Variants in JAKMIP2 observed in about 807,000 individuals in gnomAD.
The protein encoded by JAKMIP2 is janus kinase and microtubule-interacting protein 2.
Under a neutral mutation model 115.0 loss-of-function variants are expected in JAKMIP2, and 25 were observed. That is an observed-to-expected ratio of 0.22 (90% confidence interval 0.16 to 0.30). JAKMIP2 has a LOEUF of 0.30. Ranked by LOEUF, JAKMIP2 falls within the 10% of genes least tolerant of loss-of-function variation. The pLI is 1.00. For missense variants in JAKMIP2, 642 were observed against 957.6 expected, an observed-to-expected ratio of 0.67 and a Z score of 4.35; for synonymous variants, 334 against 343.6, an observed-to-expected ratio of 0.97 and a Z score of 0.31.
At chr5:147,705,832 G>A (rs759662008) in intron 1 of JAKMIP2, among the ~76,000 whole-genome samples, 44 of 152,166 alleles carry the variant, frequency 2.9e-4, no homozygotes, top group Non-Finnish European at 3.7e-4. Flanking sequence ...TATTTTTTAT[G>A]TATAAGATGA....
At chr5:147,751,694 ACT>A (rs1366060558) in intron 1 of JAKMIP2, among the ~76,000 whole-genome samples, 2 of 151,930 alleles carry the variant, frequency 1.3e-5, no homozygotes, top group African/African-American at 2.4e-5. Context: ...GAGGAATTTT[ACT>A]CTTTTTCCTT....
intron 1 of JAKMIP2, among the ~76,000 whole-genome samples, chr5:147,721,128 C>T (rs1280810441): frequency 6.6e-6 from 1 of 151,752 alleles, no homozygotes; most frequent in Non-Finnish European, 1.5e-5. Flanking sequence ...TCAGTGTGCC[C>T]CTGCTGGGGG....
intron 1 of JAKMIP2, among the ~76,000 whole-genome samples, chr5:147,772,696 T>C (rs1195545237): frequency 6.6e-6 from 1 of 152,140 alleles, no homozygotes; most frequent in Non-Finnish European, 1.5e-5. Context: ...AACACTTTTC[T>C]TGAGCTGGGT....
chr5:147,704,544 G>T (rs1752493831), intron 1 of JAKMIP2, among the ~76,000 whole-genome samples: 1 of 152,046 alleles, frequency 6.6e-6, no homozygotes, highest in Admixed American at 6.6e-5. Flanking sequence ...AGAGGAGGAG[G>T]CTCCAACATT....
At chr5:147,602,033 C>G (rs982435686) in intron 20 of JAKMIP2, among the ~76,000 whole-genome samples, 2 of 152,122 alleles carry the variant, frequency 1.3e-5, no homozygotes, top group Non-Finnish European at 2.9e-5. Context: ...ATGAGGTGGT[C>G]TTACGAACAA....
chr5:147,667,462 GAA>G (rs1444440379), intron 2 of JAKMIP2, among the ~76,000 whole-genome samples: 3 of 152,182 alleles, frequency 2.0e-5, no homozygotes, highest in Admixed American at 6.5e-5. Flanking sequence ...AGTGATCTTA[GAA>G]ATGTAGGATT....
intron 1 of JAKMIP2, among the ~76,000 whole-genome samples, chr5:147,689,095 G>T (rs13162740): frequency 6.6e-6 from 1 of 152,138 alleles, no homozygotes; most frequent in Admixed American, 6.5e-5. Flanking sequence ...ATGCCTGGGG[G>T]GGAAAGCGTG....
At position 147,666,005 on chromosome 5, in the gene JAKMIP2, C is replaced by A. The variant is rs1254307689; in HGVS notation, c.130-4560G>T. On this transcript the variant is annotated intron_variant, in intron 2 of 21. Transcript: ENST00000616793. ...TCCAGCCTGAAGACAAAAACAAAAA[C>A]AAACACTGTCTATCCCTTAAAATAA... is the stretch of plus-strand genomic sequence containing the variant. Among the ~76,000 whole-genome samples the A allele has an allele frequency of 7.9e-5, 12 of 152,246 alleles. No homozygotes were observed. The East Asian group carries it at 2.3e-3, about 29-fold the overall frequency.
intron 12 of JAKMIP2, among the ~76,000 whole-genome samples, chr5:147,634,128 C>A (rs900657845): frequency 6.6e-6 from 1 of 152,116 alleles, no homozygotes; most frequent in Non-Finnish European, 1.5e-5. Context: ...CAAACCAGGG[C>A]CTTTTTACCA....
chr5:147,675,309 C>T (rs1759878069), intron 1 of JAKMIP2, among the ~76,000 whole-genome samples: 1 of 152,086 alleles, frequency 6.6e-6, no homozygotes, highest in South Asian at 2.1e-4. Context: ...TTGATAGCAT[C>T]AGCCTATGGG....
At chr5:147,745,686 G>A (rs1232942188) in intron 1 of JAKMIP2, among the ~76,000 whole-genome samples, 1 of 152,242 alleles carries the variant, frequency 6.6e-6, no homozygotes, top group East Asian at 1.9e-4. Flanking sequence ...TATTTCTTGG[G>A]AGATTAAAGA....
rs1561547573 is a variant in JAKMIP2, at chr5:147,702,646, AAGAAAGAAAGAAAGAAAGAGAG to A, written c.-148-30714_-148-30693del. On this transcript the variant is annotated intron_variant, in intron 1 of 21. Transcript: ENST00000616793. ...AAAGAAAGAAAGAAAGAAAGAAAGA[AAGAAAGAAAGAAAGAAAGAGAG>A]AGAAAGAAAGAGAAAGAAAGAAAAG... 2.9e-3 allele frequency among the ~76,000 whole-genome samples: 381 copies of A among 133,544 alleles called. 6 individuals are homozygous for A. The highest frequency in any genetic ancestry group is 3.8e-3 in the Middle Eastern group (1 of 266). The allele number at this position is 133,544 out of a possible 152,430, so 87.6% of individuals were successfully genotyped here. A position where few individuals can be genotyped will look rare whatever the true frequency, so the allele number is the denominator to read the frequency against.
intron 1 of JAKMIP2, among the ~76,000 whole-genome samples, chr5:147,757,386 C>G (rs1754784418): frequency 6.6e-6 from 1 of 152,046 alleles, no homozygotes. Context: ...TTCTTACTCT[C>G]TCCATCCACA....
At chr5:147,763,824 C>A (rs539905719) in intron 1 of JAKMIP2, among the ~76,000 whole-genome samples, 53 of 152,126 alleles carry the variant, frequency 3.5e-4, no homozygotes, top group South Asian at 1.0e-3. Context: ...CATTTAAAAG[C>A]AAATAATCAA....
At chr5:147,636,112 A>T (rs1757605272) in intron 12 of JAKMIP2, 110 bp downstream of exon 12, 1 of 796,704 alleles carries the variant, frequency 1.3e-6, no homozygotes, top group Admixed American at 2.3e-5. Context: ...AGTGCCGGAA[A>T]AGCCTCCCCT....
At chr5:147,632,891 A>G (rs1021632521) in intron 12 of JAKMIP2, 113 bp from the exon 13 acceptor site, 14 of 640,266 alleles carry the variant, frequency 2.2e-5, no homozygotes, top group Middle Eastern at 5.2e-4. Flanking sequence ...ACCATGAAAA[A>G]AAATCCCCAA....
chr5:147,608,187 G>C (rs992478956), intron 20 of JAKMIP2, among the ~76,000 whole-genome samples: 1 of 152,034 alleles, frequency 6.6e-6, no homozygotes, highest in African/African-American at 2.4e-5. Flanking sequence ...GTTTTGCTCT[G>C]ATCTTAGTTA....
chr5:147,773,498 G>T (rs1404199160), intron 1 of JAKMIP2, among the ~76,000 whole-genome samples: 1 of 152,130 alleles, frequency 6.6e-6, no homozygotes, highest in African/African-American at 2.4e-5. Context: ...CAAATGACCA[G>T]CGAGTGGCTA....
chr5:147,627,404 AAG>A (rs1757146744), intron 16 of JAKMIP2, among the ~76,000 whole-genome samples: 2 of 151,890 alleles, frequency 1.3e-5, no homozygotes, highest in Admixed American at 6.6e-5. Flanking sequence ...TGGAGAGAGA[AAG>A]AGAGAGAGAA....
Sources: allele counts gnomAD v4.1 joint callset (sites outside exome capture counted in the v4.1 genomes callset), GRCh38; gene constraint gnomAD v4.1.1; transcripts MANE v1.5; gene names NCBI Gene and HGNC (gene_info 2026-07-23, HGNC 2026-07-21).